Variants in HEATR4 observed in about 807,000 individuals in gnomAD.
HEATR4 encodes the protein HEAT repeat containing 4, also known as HEAT repeat-containing protein 4.
Under a neutral mutation model 108.8 loss-of-function variants are expected in HEATR4, and 95 were observed. The ratio of observed to expected loss-of-function variants is 0.87; its 90% CI spans 0.74 to 1.04. HEATR4 has a LOEUF of 1.04. Among genes scored for constraint, HEATR4 ranks in the 50% least tolerant of loss-of-function variants. The probability of loss-of-function intolerance (pLI) is 0.00; values close to 1 mark genes in which losing one functional copy is unlikely to be tolerated. For missense variants in HEATR4, 1,152 were observed against 1,253.8 expected, an observed-to-expected ratio of 0.92 and a Z score of 1.23; for synonymous variants, 443 against 459.4, an observed-to-expected ratio of 0.96 and a Z score of 0.46.
chr14:73,628,450 T>C, the HEATR4 span, among the ~76,000 whole-genome samples: 1 of 152,048 alleles, frequency 6.6e-6, no homozygotes, highest in Admixed American at 6.6e-5. Flanking sequence ...CCCATAGTCT[T>C]AGTTTTAAAA....
chr14:73,520,665 C>T (rs559583210), intron 4 of HEATR4, 187 bp downstream of exon 4: 15 of 554,030 alleles, frequency 2.7e-5, no homozygotes, highest in South Asian at 2.7e-4. Flanking sequence ...GAGCAGTTCC[C>T]TCCCTATTAG....
At chr14:73,517,041 G>A (rs1990204) in intron 5 of HEATR4, among the ~76,000 whole-genome samples, 1 of 151,944 alleles carries the variant, frequency 6.6e-6, no homozygotes, top group Non-Finnish European at 1.5e-5. Flanking sequence ...CTTTGTTTGG[G>A]AGGCTAAGGT....
At chr14:73,566,833 C>G in the HEATR4 span, among the ~76,000 whole-genome samples, 1 of 152,154 alleles carries the variant, frequency 6.6e-6, no homozygotes, top group African/African-American at 2.4e-5. Flanking sequence ...AAGTGGGAGC[C>G]CAGGCAGAGG....
Position 73,495,380 on chromosome 14 carries a change from GT to G in HEATR4, c.2632del (p.Thr878HisfsTer2). 1 of 1,612,652 alleles carries G rather than the reference GT, an allele frequency of 6.2e-7. No individual in the cohort carries two copies. The highest frequency in any genetic ancestry group is 8.5e-7 in the Non-Finnish European group (1 of 1,179,136). On this transcript the variant is annotated frameshift_variant, in exon 16 of 18. Coordinates refer to ENST00000553558, the MANE Select transcript of HEATR4 (RefSeq NM_001220484.1). LOFTEE classifies it high-confidence loss of function. Reference protein sequence around the residue: ...MLQEIKNRIKTLSQKDLLTHK... With the variant: ...MLQEIKNRIKXLSQKDLLTHK... ...TGTCAGCAAGTCCTTTTGGCTTAGTGTTTTAATCTAAATTAGAACAAATAAT... is the reference window on the plus strand; with the variant it reads ...TGTCAGCAAGTCCTTTTGGCTTAGTGTTTAATCTAAATTAGAACAAATAAT...
At chr14:73,623,002 C>T in the HEATR4 span, among the ~76,000 whole-genome samples, 3 of 151,776 alleles carry the variant, frequency 2.0e-5, no homozygotes, top group Admixed American at 6.6e-5. Context: ...ATCCGCCTCC[C>T]GGGTTCAAGC....
chr14:73,591,667 G>C, the HEATR4 span: 8 of 357,386 alleles, frequency 2.2e-5, no homozygotes, highest in African/African-American at 1.7e-4. Context: ...TCCAACAACC[G>C]AGGGTGGTGT....
At chr14:73,612,923 C>T in the HEATR4 span, 4 of 1,349,330 alleles carry the variant, frequency 3.0e-6, no homozygotes, top group Non-Finnish European at 2.0e-6. Context: ...CGAGCCCGGG[C>T]GGCTGCTGTG....
intron 15 of HEATR4, 88 bp downstream of exon 15, chr14:73,496,513 G>A (rs535380442): frequency 1.3e-6 from 1 of 778,206 alleles, no homozygotes; most frequent in Non-Finnish European, 2.3e-6. Context: ...TGGGAAAAAG[G>A]GTATGTACAT....
chr14:73,583,914 C>T, the HEATR4 span, among the ~76,000 whole-genome samples: 1 of 151,996 alleles, frequency 6.6e-6, no homozygotes, highest in Non-Finnish European at 1.5e-5. Flanking sequence ...GCAGGAGAAT[C>T]GCTCGAACCC....
intron 16 of HEATR4, among the ~76,000 whole-genome samples, chr14:73,493,609 G>A (rs1016177624): frequency 2.6e-5 from 4 of 152,022 alleles, no homozygotes; most frequent in Admixed American, 2.0e-4. Flanking sequence ...AGGCCGAGGC[G>A]GGTGGATCAC....
upstream of HEATR4, among the ~76,000 whole-genome samples, chr14:73,562,256 A>C (rs890473932): frequency 6.6e-6 from 1 of 152,028 alleles, no homozygotes; most frequent in African/African-American, 2.4e-5. Flanking sequence ...TAAATTGTGA[A>C]GATTTCATCT....
chr14:73,571,029 T>C, the HEATR4 span: 22 of 151,180 alleles, frequency 1.5e-4, 1 homozygote, highest in East Asian at 1.4e-3. Flanking sequence ...TGTATTTCCA[T>C]GGCAGCTAGG....
At chr14:73,578,958 G>T in the HEATR4 span, among the ~76,000 whole-genome samples, 2 of 151,682 alleles carry the variant, frequency 1.3e-5, no homozygotes, top group Admixed American at 1.3e-4. Context: ...GATGGCGGGT[G>T]CCTGTAGTCC....
chr14:73,500,838 TC>T, intron 11 of HEATR4, 108 bp from the exon 12 acceptor site: 1 of 977,420 alleles, frequency 1.0e-6, no homozygotes, highest in Non-Finnish European at 1.5e-6. Flanking sequence ...AGGCTGTCAA[TC>T]CCATTCAGCC....
the HEATR4 span, chr14:73,592,180 G>A: frequency 1.2e-6 from 2 of 1,607,062 alleles, no homozygotes; most frequent in Non-Finnish European, 1.7e-6. Context: ...AGCTTCGCGG[G>A]ACTCGAGCCC....
chr14:73,514,021 C>T lies in HEATR4; in HGVS notation c.1414+10G>A, dbSNP rs764791812. 27 of 1,613,656 alleles carry T rather than the reference C, an allele frequency of 1.7e-5. No individual in the cohort carries two copies. The South Asian group carries it at 2.0e-4, about 12-fold the overall frequency. ...AAACGTACAGTATCACAGGACCTCC[C>T]TTCACTCACTCAGAGCCCAGGCAGT... On this transcript the variant is annotated intron_variant, in intron 6 of 17. Coordinates refer to ENST00000553558, the MANE Select transcript of HEATR4 (RefSeq NM_001220484.1).
chr14:73,595,173 A>T, the HEATR4 span: 1 of 1,614,252 alleles, frequency 6.2e-7, no homozygotes, highest in Non-Finnish European at 8.5e-7. Context: ...ATCAGTGGGA[A>T]CACAGCCATC....
At chr14:73,578,941 A>C in the HEATR4 span, among the ~76,000 whole-genome samples, 4 of 151,606 alleles carry the variant, frequency 2.6e-5, no homozygotes, top group Non-Finnish European at 5.9e-5. Context: ...AAAAATTAGC[A>C]GGGCGTGATG....
the HEATR4 span, among the ~76,000 whole-genome samples, chr14:73,615,423 A>AAAAAC: frequency 7.0e-6 from 1 of 141,864 alleles, no homozygotes; most frequent in South Asian, 2.2e-4. Context: ...AACAAAAAAA[A>AAAAAC]CCAGCAACAA....
Sources: gnomAD v4.1 joint callset for allele counts (sites outside exome capture counted in the v4.1 genomes callset) on GRCh38, gnomAD v4.1.1 for gene constraint, MANE v1.5 for transcripts, NCBI Gene and HGNC (gene_info 2026-07-23, HGNC 2026-07-21) for gene names.